Variants in EVA1A observed in about 807,000 individuals in gnomAD.
EVA1A encodes the protein eva-1 homolog A, regulator of programmed cell death.
A neutral mutation model predicts 9.8 loss-of-function variants in EVA1A; 7 were observed. That is an observed-to-expected ratio of 0.71 (90% CI 0.41 to 1.34). EVA1A has a LOEUF of 1.34. Ranked by LOEUF, EVA1A falls within the 40% of genes most tolerant of loss-of-function variation. The pLI is 0.01. For missense variants in EVA1A, 206 were observed against 205.9 expected (o/e 1.00, Z 0.00); for synonymous variants, 90 against 85.6 (o/e 1.05, Z -0.28).
chr2:75,543,585 G>A (rs151318854), intron 1 of EVA1A, among the ~76,000 whole-genome samples: 2 of 152,056 alleles, frequency 1.3e-5, no homozygotes, highest in Non-Finnish European at 2.9e-5. Flanking sequence ...ACCCCACCCC[G>A]CAAGGAGCTG....
At position 75,493,224 on chromosome 2, in the gene EVA1A, T is replaced by G. The variant is rs1260729212; in HGVS notation, c.*12A>C. On this transcript the variant is annotated 3_prime_UTR_variant, in exon 4 of 4. Transcript: ENST00000393913. ...AGGCGGCCTCCAGTGGTTTCCGGGG[T>G]CCTGCTGCTCCCTAATAGTAGCGAT... 1 of 1,599,120 alleles carries G rather than the reference T, an allele frequency of 6.3e-7. No homozygotes were observed. The highest frequency in any genetic ancestry group is 2.2e-5 in the East Asian group (1 of 44,746).
chr2:75,544,426 A>G (rs1676252786), intron 1 of EVA1A, among the ~76,000 whole-genome samples: 1 of 152,224 alleles, frequency 6.6e-6, no homozygotes, highest in African/African-American at 2.4e-5. Context: ...TACTAGTAGC[A>G]TGCTTATTTT....
At chr2:75,520,214 A>C (rs1675187016) in intron 2 of EVA1A, among the ~76,000 whole-genome samples, 1 of 151,814 alleles carries the variant, frequency 6.6e-6, no homozygotes, top group Non-Finnish European at 1.5e-5. Context: ...TTTTGGTCAC[A>C]CTCTTCCTGT....
chr2:75,546,038 ATGAG>A (rs1007582943), intron 1 of EVA1A, among the ~76,000 whole-genome samples: 7 of 152,164 alleles, frequency 4.6e-5, no homozygotes, highest in Non-Finnish European at 7.3e-5. Context: ...GTGGATGAAA[ATGAG>A]TGAGGCACAA....
At chr2:75,534,024 G>C (rs1056536966) in intron 1 of EVA1A, among the ~76,000 whole-genome samples, 103 of 152,000 alleles carry the variant, frequency 6.8e-4, no homozygotes, top group African/African-American at 2.4e-3. Flanking sequence ...GTGTTAGCCA[G>C]GATGGTCTCG....
Position 75,493,568 on chromosome 2 carries a change from A to C in EVA1A, c.127T>G (p.Cys43Gly). Residue 43 changes from cysteine (C) to glycine (G), a missense_variant, in exon 4 of 4, where the codon TGC becomes GGC. Cys to Gly is a radical substitution (Grantham distance 159). Coordinates refer to ENST00000393913, the MANE Select transcript of EVA1A (RefSeq NM_001135032.2). Reference protein sequence around the residue: ...RAALYFVSGVCIGLVLTLAAL... With the variant: ...RAALYFVSGVGIGLVLTLAAL... ...GCCAGGGTCAGCACCAGCCCGATGC[A>C]CACGCCAGAAACAAAGTACAGAGCT... 2 of 1,613,268 alleles carry C rather than the reference A, an allele frequency of 1.2e-6. No homozygotes were observed. Among genetic ancestry groups the C allele is most frequent in the Non-Finnish European group, 1.7e-6 (2 of 1,179,542 alleles).
At chr2:75,527,304 G>C (rs1198029875) in intron 1 of EVA1A, among the ~76,000 whole-genome samples, 6 of 152,206 alleles carry the variant, frequency 3.9e-5, no homozygotes, top group African/African-American at 9.7e-5. Flanking sequence ...CAAGGGGAGA[G>C]ATGAGACTTT....
At chr2:75,495,651 T>C (rs1184220688) in intron 3 of EVA1A, among the ~76,000 whole-genome samples, 1 of 152,208 alleles carries the variant, frequency 6.6e-6, no homozygotes, top group African/African-American at 2.4e-5. Flanking sequence ...TTTCTCTGAC[T>C]ATACATTGGG....
chr2:75,535,947 A>C (rs1224675530), intron 1 of EVA1A, among the ~76,000 whole-genome samples: 3 of 152,228 alleles, frequency 2.0e-5, no homozygotes, highest in African/African-American at 4.8e-5. Context: ...TGTTTTTAAA[A>C]AAAACCATGT....
In EVA1A at chr2:75,504,372, T is replaced by C. The variant is rs555535402; in HGVS notation, c.86-10763A>G. 3.9e-5 allele frequency among the ~76,000 whole-genome samples: 6 copies of C among 152,132 alleles called. No homozygotes were observed. The East Asian group carries it at 7.8e-4, about 20-fold the overall frequency. On this transcript the variant is annotated intron_variant, in intron 3 of 3. Coordinates refer to ENST00000393913, the MANE Select transcript of EVA1A (RefSeq NM_001135032.2). Reference sequence around the variant, plus strand: ...GTTGCAGTGAGATGAGATCGCACCATTGCACTCCAGCCTGGGCAACAGGGT... The same window carrying C: ...GTTGCAGTGAGATGAGATCGCACCACTGCACTCCAGCCTGGGCAACAGGGT...
intron 3 of EVA1A, among the ~76,000 whole-genome samples, chr2:75,495,628 T>C (rs1040509660): frequency 6.6e-6 from 1 of 152,210 alleles, no homozygotes; most frequent in Middle Eastern, 3.2e-3. Context: ...CTTGATGTTG[T>C]CATCCAAATT....
chr2:75,558,697 G>A (rs1676811391), intron 1 of EVA1A: 1 of 152,166 alleles, frequency 6.6e-6, no homozygotes, highest in Non-Finnish European at 1.5e-5. Context: ...AAAAAGTCAG[G>A]ACCTAGAATA....
chr2:75,504,540 C>G (rs1042934067), intron 3 of EVA1A, among the ~76,000 whole-genome samples: 1 of 152,226 alleles, frequency 6.6e-6, no homozygotes, highest in Non-Finnish European at 1.5e-5. Context: ...CCTTTTCCTT[C>G]CATCTCTGAC....
intron 1 of EVA1A, among the ~76,000 whole-genome samples, chr2:75,524,323 C>T (rs1319317995): frequency 6.6e-6 from 1 of 152,068 alleles, no homozygotes; most frequent in Non-Finnish European, 1.5e-5. Flanking sequence ...TCTGAGGCTT[C>T]TATCTTCTCA....
intron 1 of EVA1A, among the ~76,000 whole-genome samples, chr2:75,545,169 A>G (rs558230364): frequency 6.6e-6 from 1 of 152,362 alleles, no homozygotes; most frequent in South Asian, 2.1e-4. Context: ...GTAACATTTA[A>G]TATATAGGAA....
chr2:75,534,348 T>C (rs1278542181), intron 1 of EVA1A, among the ~76,000 whole-genome samples: 1 of 152,214 alleles, frequency 6.6e-6, no homozygotes, highest in Non-Finnish European at 1.5e-5. Context: ...AAGGTTTTTA[T>C]ATTTCACTCA....
chr2:75,520,295 T>C (rs1572962350), intron 2 of EVA1A, among the ~76,000 whole-genome samples: 1 of 147,556 alleles, frequency 6.8e-6, no homozygotes. Flanking sequence ...AGAAGTTTTA[T>C]GGCAGTCCCA....
chr2:75,522,646 T>C (rs1675274076), intron 1 of EVA1A, among the ~76,000 whole-genome samples, 159 bp from the exon 2 acceptor site: 1 of 152,222 alleles, frequency 6.6e-6, no homozygotes, highest in African/African-American at 2.4e-5. Flanking sequence ...AGAAAGCCCA[T>C]TGACAGAGTG....
intron 1 of EVA1A, chr2:75,542,043 A>C (rs1676144223): frequency 6.6e-6 from 1 of 152,166 alleles, no homozygotes; most frequent in Non-Finnish European, 1.5e-5. Flanking sequence ...GGTCTTTCCC[A>C]TGCTGTTCTC....
Sources: gnomAD v4.1 joint callset for allele counts (sites outside exome capture counted in the v4.1 genomes callset) on GRCh38, gnomAD v4.1.1 for gene constraint, MANE v1.5 for transcripts, NCBI Gene and HGNC (gene_info 2026-07-23, HGNC 2026-07-21) for gene names.